The following PKD1L1 variants were observed in gnomAD, a reference collection of about 807,000 sequenced individuals.
The protein encoded by PKD1L1 is polycystin 1 like 1, transient receptor potential channel interacting, also known as polycystin-1-like protein 1.
In PKD1L1, 236 loss-of-function variants were observed where a neutral mutation model predicts 323.4. That is an observed-to-expected ratio of 0.73 (90% CI 0.66 to 0.81). The LOEUF is 0.81. Ranked by LOEUF, PKD1L1 falls within the 40% of genes least tolerant of loss-of-function variation. PKD1L1 has a pLI of 0.00. For missense variants in PKD1L1, 3,320 were observed against 3,508.0 expected (o/e 0.95, Z 1.35); for synonymous variants, 1,344 against 1,335.0 (o/e 1.01, Z -0.15).
the PKD1L1 span, among the ~76,000 whole-genome samples, chr7:47,953,981 G>A: frequency 6.6e-6 from 1 of 152,168 alleles, no homozygotes; most frequent in Non-Finnish European, 1.5e-5. Flanking sequence ...TCTCAGCAAG[G>A]AAGATAACCA....
chr7:47,937,270 G>T (rs1181227002), intron 3 of PKD1L1, among the ~76,000 whole-genome samples: 10 of 124,306 alleles, frequency 8.0e-5, no homozygotes, highest in Admixed American at 7.1e-4. Flanking sequence ...GGGGGGGGGG[G>T]GCGCGGTGCT....
chr7:47,877,528 T>C lies in PKD1L1; in HGVS notation c.3624A>G (p.Ala1208=), dbSNP rs139854035. The part of the protein sequence containing the change: ...CQVQPHHGLE[A]HTVFSVFCMS... ...TGCAGAAGACACTGAAGACGGTGTGTGCTTCCAGACCATGGTGGGGCTGCA... is the reference window on the plus strand; with the variant it reads ...TGCAGAAGACACTGAAGACGGTGTGCGCTTCCAGACCATGGTGGGGCTGCA... The change falls in exon 22 of 57, where the codon GCA becomes GCG. Residue 1208 remains alanine (A), a synonymous_variant. Coordinates refer to ENST00000289672, the MANE Select transcript of PKD1L1 (RefSeq NM_138295.5). 1,942 of 1,613,986 alleles carry C rather than the reference T, an allele frequency of 1.2e-3. 5 individuals carry two copies. Among genetic ancestry groups the C allele is most frequent in the Admixed American group, 4.1e-3 (249 of 60,012 alleles).
chr7:47,921,458 T>C, intron 7 of PKD1L1, among the ~76,000 whole-genome samples: 1 of 152,104 alleles, frequency 6.6e-6, no homozygotes, highest in East Asian at 1.9e-4. Flanking sequence ...TAAACCACTA[T>C]GGAAAACAGT....
At chr7:47,943,284 G>A (rs1788034913) in intron 2 of PKD1L1, 112 bp downstream of exon 2, 1 of 882,964 alleles carries the variant, frequency 1.1e-6, no homozygotes, top group Non-Finnish European at 1.7e-6. Context: ...CCTTCCTTCT[G>A]TTTCTTAAAA....
At chr7:47,956,622 T>C in the PKD1L1 span, among the ~76,000 whole-genome samples, 47 of 152,284 alleles carry the variant, frequency 3.1e-4, no homozygotes, top group Non-Finnish European at 5.4e-4. Context: ...AATACCTACA[T>C]ATTCAATGCA....
In PKD1L1 at chr7:47,840,139, T is replaced by C. The variant is rs1226639689; in HGVS notation, c.5552+322A>G. On this transcript the variant is annotated intron_variant, in intron 35 of 56. Transcript: ENST00000289672. This position sits in a 1 kb window ranked among gnomAD's most constrained non-coding sequence, Gnocchi z 4.1. Reference sequence around the variant, plus strand: ...CAACCCCACCATCTTTGTGACACCATGTGTCACAAACTGGGGACAAACCTA... The same window carrying C: ...CAACCCCACCATCTTTGTGACACCACGTGTCACAAACTGGGGACAAACCTA... Among the ~76,000 whole-genome samples, 1 of 152,156 alleles carries C rather than the reference T, an allele frequency of 6.6e-6. No individual in the cohort carries two copies. The highest frequency in any genetic ancestry group is 2.4e-5 in the African/African-American group (1 of 41,436).
chr7:47,893,229 CAA>C (rs529686945), intron 15 of PKD1L1, among the ~76,000 whole-genome samples: 9 of 53,026 alleles, frequency 1.7e-4, no homozygotes, highest in Admixed American at 2.1e-4. Flanking sequence ...GACCCTATCT[CAA>C]AAAAAAAAAA....
At chr7:47,927,510 C>T (rs1051810168) in intron 7 of PKD1L1, among the ~76,000 whole-genome samples, 8 of 152,110 alleles carry the variant, frequency 5.3e-5, no homozygotes, top group Non-Finnish European at 1.0e-4. Flanking sequence ...GTGATCCACC[C>T]GCCTCGGTCT....
At chr7:47,828,203 C>T (rs765994077) in intron 44 of PKD1L1, among the ~76,000 whole-genome samples, 2 of 152,064 alleles carry the variant, frequency 1.3e-5, no homozygotes, top group African/African-American at 4.8e-5. Flanking sequence ...TAGGGGGGCA[C>T]CCCAACTCTA....
chr7:47,951,722 G>C (rs747539512), upstream of PKD1L1, among the ~76,000 whole-genome samples: 2 of 152,212 alleles, frequency 1.3e-5, no homozygotes, highest in Non-Finnish European at 2.9e-5. Context: ...ATGATACTAA[G>C]TTTCAGATTT....
At chr7:47,827,568 G>C in intron 44 of PKD1L1, 100 bp from the exon 45 acceptor site, 3 of 975,898 alleles carry the variant, frequency 3.1e-6, no homozygotes, top group Non-Finnish European at 4.5e-6. Flanking sequence ...TTGCTGTGCT[G>C]TGCCTTCAGC....
At chr7:47,822,333 G>A (rs1235460520) in intron 45 of PKD1L1, among the ~76,000 whole-genome samples, 4 of 152,046 alleles carry the variant, frequency 2.6e-5, no homozygotes, top group Admixed American at 2.6e-4. Context: ...GCTCACGCCT[G>A]TAATCCCAGC....
At chr7:47,795,270 G>A in intron 55 of PKD1L1, 1 of 434,844 alleles carries the variant, frequency 2.3e-6, no homozygotes, top group South Asian at 1.6e-5. Context: ...TTGAATCATA[G>A]GGGCTGGTCT....
At chr7:47,916,582 C>T (rs140752005) in intron 7 of PKD1L1, among the ~76,000 whole-genome samples, 156 of 152,248 alleles carry the variant, frequency 1.0e-3, no homozygotes, top group African/African-American at 3.7e-3. Flanking sequence ...TCCTGCAGGA[C>T]CCAGGAGACA....
intron 36 of PKD1L1, 140 bp from the exon 37 acceptor site, chr7:47,837,234 G>T: frequency 1.1e-6 from 1 of 919,706 alleles, no homozygotes; most frequent in Non-Finnish European, 1.7e-6. Flanking sequence ...CTGTGTACCA[G>T]GTGGGCTGTG....
Position 47,888,077 on chromosome 7 carries a change from T to C in PKD1L1, c.2749A>G (p.Met917Val), listed in dbSNP as rs953044138. ...NWNDELSLQA[M>V]CEDCSEIPNL... ...GGTATTTCACTGCAGTCCTCACACATAGCTTGAAGAGAGAGTTCGTCATTC... is the reference window on the plus strand; with the variant it reads ...GGTATTTCACTGCAGTCCTCACACACAGCTTGAAGAGAGAGTTCGTCATTC... The change falls in exon 17 of 57, where the codon ATG (methionine) becomes GTG (valine). Residue 917 changes from methionine to valine, a missense_variant. Coordinates refer to ENST00000289672, the MANE Select transcript of PKD1L1 (RefSeq NM_138295.5). 1.3e-5 allele frequency: 21 copies of C among 1,613,764 alleles called. No homozygotes were observed. The highest frequency in any genetic ancestry group is 1.6e-5 in the Non-Finnish European group (19 of 1,179,774).
chr7:47,816,846 T>C (rs1282676841), intron 46 of PKD1L1, among the ~76,000 whole-genome samples: 3 of 152,228 alleles, frequency 2.0e-5, no homozygotes, highest in Non-Finnish European at 2.9e-5. Flanking sequence ...AGTTGGGCTG[T>C]AGACAGCAGG....
Position 47,905,775 on chromosome 7 carries a change from CT to C in PKD1L1, c.1522+67del, listed in dbSNP as rs1320387206. The stretch of plus-strand genomic sequence containing the variant: ...TAACAAAACCTGCTGCTGCCTACGG[CT>C]TTCCTAATCTCAGCTGACTGCGCGA... On this transcript the variant is annotated intron_variant, in intron 10 of 56. Coordinates refer to ENST00000289672, the MANE Select transcript of PKD1L1 (RefSeq NM_138295.5). 3.8e-6 allele frequency: 6 copies of C among 1,586,838 alleles called. No homozygotes were observed. In the East Asian group the frequency reaches 1.4e-4, roughly 36 times the overall value.
chr7:47,952,458 G>A (rs1788217835), upstream of PKD1L1, among the ~76,000 whole-genome samples: 1 of 152,162 alleles, frequency 6.6e-6, no homozygotes, highest in Admixed American at 6.5e-5. Flanking sequence ...CCCATGGGCT[G>A]GAGCAGTGAG....
Sources: gnomAD v4.1 joint callset for allele counts (sites outside exome capture counted in the v4.1 genomes callset) on GRCh38, gnomAD v4.1.1 for gene constraint, Gnocchi (gnomAD v3.1) non-coding constraint, MANE v1.5 for transcripts, NCBI Gene and HGNC (gene_info 2026-07-23, HGNC 2026-07-21) for gene names.